Variants in SP140 observed in about 807,000 individuals in gnomAD.
SP140 encodes nuclear body protein SP140.
In SP140, 81 loss-of-function variants were observed where a neutral mutation model predicts 125.0. That is an observed-to-expected ratio of 0.65 (90% CI 0.54 to 0.78). SP140 has a LOEUF of 0.78. SP140 is among the 30% of genes least tolerant of loss of function. The probability of loss-of-function intolerance (pLI) is 0.00; values close to 1 mark genes in which losing one functional copy is unlikely to be tolerated. For missense variants in SP140, 858 were observed against 1,037.0 expected, an observed-to-expected ratio of 0.83 and a Z score of 2.37; for synonymous variants, 312 against 354.0, an observed-to-expected ratio of 0.88 and a Z score of 1.33.
chr2:230,278,317 T>C (rs2055022030), intron 15 of SP140, among the ~76,000 whole-genome samples: 1 of 152,116 alleles, frequency 6.6e-6, no homozygotes, highest in South Asian at 2.1e-4. Flanking sequence ...TGCCCATTTT[T>C]AAATCAGATT....
intron 19 of SP140, among the ~76,000 whole-genome samples, chr2:230,291,193 A>G (rs2057070891): frequency 6.6e-6 from 1 of 152,248 alleles, no homozygotes; most frequent in South Asian, 2.1e-4. Flanking sequence ...TAGAATGGCC[A>G]TCATCTCAGA....
chr2:230,218,373 G>A (rs1234704313), intron 3 of SP140, among the ~76,000 whole-genome samples: 3 of 152,076 alleles, frequency 2.0e-5, no homozygotes, highest in East Asian at 3.8e-4. Flanking sequence ...ATCCGCAATC[G>A]CATAGGAAAA....
chr2:230,282,466 A>G (rs2055722009), intron 15 of SP140, among the ~76,000 whole-genome samples: 1 of 152,148 alleles, frequency 6.6e-6, no homozygotes, highest in South Asian at 2.1e-4. Context: ...ATTCGGACCC[A>G]TGGGTCCACA....
chr2:230,265,306 C>T (rs949005429), intron 12 of SP140, among the ~76,000 whole-genome samples: 8 of 152,110 alleles, frequency 5.3e-5, no homozygotes, highest in African/African-American at 1.9e-4. Context: ...GCCAGACTCA[C>T]TCCCACCATG....
At chr2:230,290,276 A>G (rs905435364) in intron 18 of SP140, among the ~76,000 whole-genome samples, 184 bp from the exon 19 acceptor site, 10 of 152,162 alleles carry the variant, frequency 6.6e-5, no homozygotes, top group Non-Finnish European at 1.3e-4. Context: ...GAAAGGTGAA[A>G]TTGGGGTAGA....
chr2:230,203,563 T>C (rs2043413878), intron 1 of SP140: 1 of 152,222 alleles, frequency 6.6e-6, no homozygotes, highest in African/African-American at 2.4e-5. Flanking sequence ...ACTGAATATT[T>C]ATCCAGAAGA....
At chr2:230,288,557 G>T (rs963576773) in intron 18 of SP140, among the ~76,000 whole-genome samples, 1 of 147,280 alleles carries the variant, frequency 6.8e-6, no homozygotes, top group Admixed American at 6.9e-5. Flanking sequence ...TACACGTGTA[G>T]AATGTGCAGG....
Position 230,237,472 on chromosome 2 carries a change from G to A in SP140, c.237+212G>A. ...GGGCCACAGTGAGGGAGGTGGGGCAGGAGAGAGAATGGGAATGCTGTATGG... is the reference window on the plus strand; with the variant it reads ...GGGCCACAGTGAGGGAGGTGGGGCAAGAGAGAGAATGGGAATGCTGTATGG... On this transcript the variant is annotated intron_variant, in intron 2 of 26. Transcript: ENST00000392045. This position sits in a 1 kb window ranked among gnomAD's most constrained non-coding sequence, Gnocchi z 5.4. 1.9e-6 allele frequency: 1 copy of A among 515,020 alleles called. No individual in the cohort carries two copies. Among genetic ancestry groups the A allele is most frequent in the Non-Finnish European group, 3.4e-6 (1 of 292,562 alleles). 31.9% of individuals were successfully genotyped at this position (515,020 alleles called of 1,614,324 possible). A position where few individuals can be genotyped will look rare whatever the true frequency, so the allele number is the denominator to read the frequency against.
intron 22 of SP140, among the ~76,000 whole-genome samples, chr2:230,307,180 G>C (rs576224814): frequency 1.3e-5 from 2 of 152,144 alleles, no homozygotes; most frequent in African/African-American, 4.8e-5. Flanking sequence ...CTGAACACTC[G>C]TCAGGACACA....
chr2:230,220,056 C>T, intron 3 of SP140: 2 of 985,554 alleles, frequency 2.0e-6, no homozygotes, highest in Non-Finnish European at 2.4e-6. Flanking sequence ...TTTGCCAAGC[C>T]GGAAGCTGAA....
Position 230,248,865 on chromosome 2 carries a change from A to G in SP140, c.893-20A>G. ...TCCAAGTCACCCTCTGTGGTCTGTC[A>G]ATTTCTTGTTTATCTGCAGAGACCT... On this transcript the variant is annotated intron_variant, in intron 8 of 26. Transcript: ENST00000392045. 2 of 1,600,110 alleles carry G rather than the reference A, an allele frequency of 1.2e-6. No homozygotes were observed. Among genetic ancestry groups the G allele is most frequent in the Non-Finnish European group, 1.7e-6 (2 of 1,167,616 alleles).
Position 230,269,868 on chromosome 2 carries a change from G to C in SP140, c.1359G>C (p.Lys453Asn). ...AGCAATCAGCATATGAAAATGAGAA[G>C]TGTTCCTGTGTCATGTGTTTCTCAG... is the stretch of plus-strand genomic sequence containing the variant. ...GAEQSAYENE[K>N]CSCVMCFSEE... The change falls in exon 14 of 27, where the codon AAG becomes AAC. Residue 453 changes from lysine (K) to asparagine (N), a missense_variant. Lys to Asn is a moderately conservative substitution (Grantham distance 94, BLOSUM62 0). Coordinates refer to ENST00000392045, the MANE Select transcript of SP140 (RefSeq NM_007237.5). The C allele has an allele frequency of 6.2e-7, 1 of 1,613,996 alleles. No individual in the cohort carries two copies. Among genetic ancestry groups the C allele is most frequent in the Non-Finnish European group, 8.5e-7 (1 of 1,179,924 alleles).
the SP140 span, among the ~76,000 whole-genome samples, chr2:230,197,096 C>T: frequency 1.3e-5 from 2 of 152,112 alleles, no homozygotes; most frequent in East Asian, 1.9e-4. Flanking sequence ...TTTCTAGTCC[C>T]AGATCCCTGA....
intron 15 of SP140, among the ~76,000 whole-genome samples, chr2:230,277,464 G>A (rs772102579): frequency 1.3e-5 from 2 of 152,128 alleles, no homozygotes; most frequent in South Asian, 4.1e-4. Context: ...TATGCACTGG[G>A]AAACCAAAAC....
At chr2:230,208,387 G>A (rs994638642) in intron 1 of SP140, among the ~76,000 whole-genome samples, 2 of 152,210 alleles carry the variant, frequency 1.3e-5, no homozygotes, top group Non-Finnish European at 2.9e-5. Flanking sequence ...TACATGTAAT[G>A]CAGATTCTTG....
chr2:230,234,644 A>G (rs1332192855), intron 1 of SP140, among the ~76,000 whole-genome samples: 1 of 152,136 alleles, frequency 6.6e-6, no homozygotes, highest in East Asian at 1.9e-4. Context: ...TTTCAAATTC[A>G]CTTATTTTTC....
chr2:230,187,893 A>C, the SP140 span, among the ~76,000 whole-genome samples: 2 of 152,162 alleles, frequency 1.3e-5, no homozygotes, highest in African/African-American at 4.8e-5. Flanking sequence ...TGGTAACTAT[A>C]GCCTTGTAGT....
chr2:230,205,629 T>G (rs1353981697), intron 1 of SP140, among the ~76,000 whole-genome samples: 1 of 152,204 alleles, frequency 6.6e-6, no homozygotes, highest in Non-Finnish European at 1.5e-5. Context: ...GCTTTCAGAA[T>G]GGGTATATAC....
In SP140 at chr2:230,295,448, T is replaced by G. The variant is rs147374810; in HGVS notation, c.2016+1130T>G. 4.6e-3 allele frequency among the ~76,000 whole-genome samples: 699 copies of G among 152,298 alleles called. 3 individuals are homozygous for G. The highest frequency in any genetic ancestry group is 0.016 in the African/African-American group (668 of 41,570). ...ACCAGCATCTCTACCTTTCACCGGG[T>G]GCCAAGAGTAACTGAGTCTGGATGA... On this transcript the variant is annotated intron_variant, in intron 21 of 26. Transcript: ENST00000392045.
Sources: allele counts gnomAD v4.1 joint callset (sites outside exome capture counted in the v4.1 genomes callset), GRCh38; gene constraint gnomAD v4.1.1; non-coding constraint Gnocchi (gnomAD v3.1); transcripts MANE v1.5; gene names NCBI Gene and HGNC (gene_info 2026-07-23, HGNC 2026-07-21).